RARB: variants seen among roughly 807,000 people sequenced by gnomAD.
RARB encodes the protein retinoic acid receptor beta.
In RARB, 17 loss-of-function variants were observed where a neutral mutation model predicts 51.9. That is an observed-to-expected ratio of 0.33 (90% CI 0.22 to 0.49). RARB has a LOEUF of 0.49. Among genes scored for constraint, RARB ranks in the 20% least tolerant of loss-of-function variants. The pLI is 0.99. For synonymous variants in RARB, 215 were observed against 195.4 expected (o/e 1.10, Z -0.84); for missense variants, 369 against 550.8 (o/e 0.67, Z 3.30).
chr3:24,954,911 T>C (rs1695975390), intron 2 of RARB, among the ~76,000 whole-genome samples: 1 of 152,122 alleles, frequency 6.6e-6, no homozygotes, highest in Non-Finnish European at 1.5e-5. Context: ...GGGAGTGTTT[T>C]GGGGCTCTGG....
chr3:25,315,389 A>G (rs1704396560), intron 5 of RARB, among the ~76,000 whole-genome samples: 2 of 152,168 alleles, frequency 1.3e-5, no homozygotes, highest in Admixed American at 1.3e-4. Context: ...TTCGAATTGT[A>G]GACATACGAC....
intron 5 of RARB, among the ~76,000 whole-genome samples, chr3:25,257,207 A>T (rs971069922): frequency 6.6e-6 from 1 of 152,128 alleles, no homozygotes; most frequent in Non-Finnish European, 1.5e-5. Context: ...TGATGCTTGA[A>T]TGCAGATCAA....
intron 4 of RARB, among the ~76,000 whole-genome samples, chr3:25,141,903 C>T (rs1575179239): frequency 6.6e-6 from 1 of 152,240 alleles, no homozygotes; most frequent in African/African-American, 2.4e-5. Flanking sequence ...TGACCAATTT[C>T]TCGGTTATAA....
intron 5 of RARB, among the ~76,000 whole-genome samples, chr3:25,589,407 C>T (rs1457433322): frequency 6.6e-6 from 1 of 152,226 alleles, no homozygotes; most frequent in African/African-American, 2.4e-5. Context: ...CTGAAGGTGA[C>T]TAGAAGCCAT....
At chr3:25,401,475 A>C (rs761463474) in intron 5 of RARB, among the ~76,000 whole-genome samples, 17 of 152,226 alleles carry the variant, frequency 1.1e-4, no homozygotes, top group Non-Finnish European at 1.6e-4. Flanking sequence ...AAAACAGACC[A>C]TAGGTGATCC....
At chr3:25,413,403 G>T (rs1190906642) in intron 5 of RARB, among the ~76,000 whole-genome samples, 1 of 151,990 alleles carries the variant, frequency 6.6e-6, no homozygotes, top group African/African-American at 2.4e-5. Context: ...TTTTCTCCTT[G>T]GGGCTATTAT....
At chr3:24,916,830 A>C (rs1039740450) in intron 2 of RARB, among the ~76,000 whole-genome samples, 2 of 152,034 alleles carry the variant, frequency 1.3e-5, no homozygotes, top group South Asian at 4.1e-4. Flanking sequence ...AAAATGGGAA[A>C]CAGGCCAGGT....
chr3:25,294,491 A>G (rs1440586637), intron 5 of RARB, among the ~76,000 whole-genome samples: 2 of 152,170 alleles, frequency 1.3e-5, no homozygotes. Flanking sequence ...AAAAGAGGAA[A>G]CTGCAGAATG....
In RARB at chr3:25,090,960, G is replaced by T. The variant is rs537944136; in HGVS notation, c.-328+30784G>T. 4.6e-5 allele frequency among the ~76,000 whole-genome samples: 7 copies of T among 152,240 alleles called. No homozygotes were observed. In the Middle Eastern group the frequency reaches 0.01, roughly 222 times the overall value. Reference sequence around the variant, plus strand: ...TATTATTAAAATATGAAGCCTATTGGCTGTGTTCCAGAAAAGCTGAAGTAG... The same window carrying T: ...TATTATTAAAATATGAAGCCTATTGTCTGTGTTCCAGAAAAGCTGAAGTAG... On this transcript the variant is annotated intron_variant, in intron 3 of 11. Transcript: ENST00000383772.
chr3:25,184,884 C>A (rs1700940867), intron 5 of RARB, among the ~76,000 whole-genome samples: 1 of 151,774 alleles, frequency 6.6e-6, no homozygotes, highest in Non-Finnish European at 1.5e-5. Context: ...AAAGCAAAAC[C>A]CTGTGTCCAA....
intron 3 of RARB, among the ~76,000 whole-genome samples, chr3:25,119,033 T>A (rs1418377859): frequency 6.6e-6 from 1 of 152,150 alleles, no homozygotes; most frequent in Non-Finnish European, 1.5e-5. Context: ...TTTTAAAGTT[T>A]CCATTAAAAT....
intron 2 of RARB, among the ~76,000 whole-genome samples, chr3:24,965,943 C>G (rs1021173634): frequency 6.6e-6 from 1 of 152,138 alleles, no homozygotes; most frequent in South Asian, 2.1e-4. Context: ...ATTAGTGTTA[C>G]ATTTTTTGTG....
At chr3:25,465,508 A>T (rs1298562346) in intron 2 of RARB, among the ~76,000 whole-genome samples, 1 of 152,190 alleles carries the variant, frequency 6.6e-6, no homozygotes, top group East Asian at 1.9e-4. Flanking sequence ...GGATGACCTA[A>T]TTGACTATTA....
chr3:25,532,700 T>C (rs1009531316), intron 3 of RARB, among the ~76,000 whole-genome samples: 1 of 152,220 alleles, frequency 6.6e-6, no homozygotes, highest in Non-Finnish European at 1.5e-5. Flanking sequence ...TCTCAAATTA[T>C]TATGAACATG....
intron 3 of RARB, among the ~76,000 whole-genome samples, chr3:25,103,866 TG>T (rs1416823973): frequency 2.0e-5 from 3 of 152,204 alleles, no homozygotes; most frequent in Non-Finnish European, 4.4e-5. Flanking sequence ...AATCTCCTTC[TG>T]GTCAATAAAA....
chr3:25,345,664 CAAAAAA>C lies in RARB; in HGVS notation c.179-115512_179-115507del, dbSNP rs71061207. 1.1e-4 allele frequency among the ~76,000 whole-genome samples: 11 copies of C among 96,506 alleles called. No homozygotes were observed. The East Asian group carries it at 1.5e-3, about 13-fold the overall frequency. The allele number at this position is 96,506 out of a possible 152,430, so 63.3% of individuals were successfully genotyped here. A position where few individuals can be genotyped will look rare whatever the true frequency, so the allele number is the denominator to read the frequency against. On this transcript the variant is annotated intron_variant, in intron 5 of 11. Coordinates refer to the RARB transcript ENST00000383772. ...TGGGTGACAGAGTGAGACTCCGTCT[CAAAAAA>C]AAAAAAAAAAAAAAAATTCATCAAA... is the stretch of plus-strand genomic sequence containing the variant.
At chr3:25,032,808 G>T (rs1697902655) in intron 2 of RARB, among the ~76,000 whole-genome samples, 1 of 152,188 alleles carries the variant, frequency 6.6e-6, no homozygotes, top group African/African-American at 2.4e-5. Context: ...AATTTATTCT[G>T]CAAATGTATT....
chr3:25,116,248 T>A (rs529053067), intron 3 of RARB, among the ~76,000 whole-genome samples: 5 of 152,166 alleles, frequency 3.3e-5, no homozygotes, highest in African/African-American at 1.2e-4. Flanking sequence ...CTTTCCCCTT[T>A]GCAAGTAATT....
chr3:25,070,533 C>A (rs1029618485), intron 3 of RARB, among the ~76,000 whole-genome samples: 1 of 79,608 alleles, frequency 1.3e-5, no homozygotes, highest in Non-Finnish European at 3.1e-5. Context: ...AAAATAAGAC[C>A]CCCCACCCAT....
Sources: gnomAD v4.1 joint callset for allele counts (sites outside exome capture counted in the v4.1 genomes callset) on GRCh38, gnomAD v4.1.1 for gene constraint, MANE v1.5 for transcripts, NCBI Gene and HGNC (gene_info 2026-07-23, HGNC 2026-07-21) for gene names.